ANKRD33B: variants seen among roughly 807,000 people sequenced by gnomAD.
The protein encoded by ANKRD33B is ankyrin repeat domain 33B, also known as ankyrin repeat domain-containing protein 33B.
Under a neutral mutation model 21.5 loss-of-function variants are expected in ANKRD33B, and 6 were observed. The ratio of observed to expected loss-of-function variants is 0.28; its 90% CI spans 0.15 to 0.55. The LOEUF (loss-of-function observed/expected upper bound fraction) is 0.55, where lower values mean the gene tolerates loss of function less well. Among genes scored for constraint, ANKRD33B ranks in the 20% least tolerant of loss-of-function variants. ANKRD33B has a pLI of 0.94. For synonymous variants in ANKRD33B, 347 were observed against 342.4 expected (o/e 1.01, Z -0.15); for missense variants, 698 against 747.2 (o/e 0.93, Z 0.77).
chr5:10,613,549 A>G (rs1216887236), intron 1 of ANKRD33B, among the ~76,000 whole-genome samples: 3 of 151,888 alleles, frequency 2.0e-5, no homozygotes, highest in Non-Finnish European at 2.9e-5. Flanking sequence ...ACTTTTTTCA[A>G]TGTTAATTAA....
At chr5:10,606,939 C>T (rs1736058435) in intron 1 of ANKRD33B, among the ~76,000 whole-genome samples, 1 of 151,896 alleles carries the variant, frequency 6.6e-6, no homozygotes, top group Non-Finnish European at 1.5e-5. Flanking sequence ...CCATGTTGGC[C>T]AGGCTGGTCT....
intron 3 of ANKRD33B, among the ~76,000 whole-genome samples, chr5:10,640,009 T>C (rs111629567): frequency 0.033 from 2,007 of 60,818 alleles, 586 homozygotes; most frequent in Admixed American, 0.057. Context: ...GCGGGTGACG[T>C]GGAGTTGCGC....
intron 1 of ANKRD33B, among the ~76,000 whole-genome samples, chr5:10,566,022 A>G (rs973457593): frequency 1.3e-5 from 2 of 152,066 alleles, no homozygotes; most frequent in African/African-American, 4.8e-5. Context: ...AAGCCCTCCA[A>G]TGTCACTCTC....
Position 10,638,035 on chromosome 5 carries a change from T to C in ANKRD33B, c.504T>C (p.Ala168=), listed in dbSNP as rs1223717208. The change falls in exon 3 of 4, where the codon GCT becomes GCC. Residue 168 remains alanine, a synonymous_variant. Coordinates refer to ENST00000296657, the MANE Select transcript of ANKRD33B (RefSeq NM_001164440.2). ...ALITAAQAGH[A]IITNYLLNYF... Reference sequence around the variant, plus strand: ...GTACACTTCTCTTTACAGGGCACGCTATCATCACTAACTACTTGTTGAACT... The same window carrying C: ...GTACACTTCTCTTTACAGGGCACGCCATCATCACTAACTACTTGTTGAACT... The C allele has an allele frequency of 2.6e-6, 4 of 1,537,514 alleles. No homozygotes were observed. In the African/African-American group the frequency reaches 5.5e-5, roughly 21 times the overall value.
rs1737389196 is a variant in ANKRD33B at position 10,652,745 on chromosome 5, CCTGCCCCCGATGTGTTCCAGCCTCAT to C, written c.*2634_*2659del. On this transcript the variant is annotated 3_prime_UTR_variant, in exon 4 of 4. Transcript: ENST00000296657. This position sits in a 1 kb window ranked among gnomAD's most constrained non-coding sequence, Gnocchi z 4.1. Reference sequence around the variant, plus strand: ...TGTTCTGGAGTGGACGTGTTGCGGCCCTGCCCCCGATGTGTTCCAGCCTCATCCAGGTGCACAGGATACTCTGGGGC... The same window carrying C: ...TGTTCTGGAGTGGACGTGTTGCGGCCCCAGGTGCACAGGATACTCTGGGGC... 1 of 203,456 alleles carries C rather than the reference CCTGCCCCCGATGTGTTCCAGCCTCAT, an allele frequency of 4.9e-6. No homozygotes were observed. The highest frequency in any genetic ancestry group is 1.1e-5 in the Non-Finnish European group (1 of 94,118). The allele number at this position is 203,456 out of a possible 1,614,324, so 12.6% of individuals were successfully genotyped here. A position where few individuals can be genotyped will look rare whatever the true frequency, so the allele number is the denominator to read the frequency against.
chr5:10,572,434 G>GCACT (rs1400786796), intron 1 of ANKRD33B, among the ~76,000 whole-genome samples: 3 of 152,158 alleles, frequency 2.0e-5, no homozygotes, highest in Admixed American at 2.0e-4. Context: ...AGAAGCCTTA[G>GCACT]CACAGAGCAT....
At chr5:10,623,241 C>T (rs1225977262) in intron 2 of ANKRD33B, among the ~76,000 whole-genome samples, 3 of 152,202 alleles carry the variant, frequency 2.0e-5, no homozygotes, top group South Asian at 4.1e-4. Flanking sequence ...CTCTCCTTTT[C>T]TGCCCTTCTA....
intron 1 of ANKRD33B, among the ~76,000 whole-genome samples, chr5:10,591,918 C>T (rs968227757): frequency 1.3e-5 from 2 of 152,032 alleles, no homozygotes; most frequent in African/African-American, 4.8e-5. Context: ...TATATAGTAA[C>T]TTACATTGTA....
rs185042140 is a variant in ANKRD33B at position 10,636,929 on chromosome 5, G to C, written c.497-1099G>C. Among the ~76,000 whole-genome samples the C allele has an allele frequency of 5.7e-4, 87 of 152,348 alleles. 1 individual carries two copies. The highest frequency in any genetic ancestry group is 2.0e-3 in the African/African-American group (84 of 41,570). On this transcript the variant is annotated intron_variant, in intron 2 of 3. Transcript: ENST00000296657. ...GTTTTGGTTGTCACAACCTATGCGG[G>C]AGTGGGGGTGGTTGCTACTGGCATC...
intron 1 of ANKRD33B, among the ~76,000 whole-genome samples, chr5:10,585,938 G>A (rs1203680517): frequency 1.3e-5 from 2 of 152,134 alleles, no homozygotes; most frequent in South Asian, 2.1e-4. Context: ...GCTTCCCTGT[G>A]CCAGGCTTTC....
At chr5:10,606,559 C>CA (rs1453319701) in intron 1 of ANKRD33B, among the ~76,000 whole-genome samples, 1 of 152,008 alleles carries the variant, frequency 6.6e-6, no homozygotes, top group Admixed American at 6.5e-5. Context: ...CATGGTGAAG[C>CA]CCTGTCTCTA....
chr5:10,649,787 C>A lies in ANKRD33B; in HGVS notation c.1159C>A (p.Leu387Ile). The A allele has an allele frequency of 7.1e-7, 1 of 1,400,572 alleles. No homozygotes were observed. The highest frequency in any genetic ancestry group is 9.2e-7 in the Non-Finnish European group (1 of 1,083,764). The allele number at this position is 1,400,572 out of a possible 1,614,324, so 86.8% of individuals were successfully genotyped here. A position where few individuals can be genotyped will look rare whatever the true frequency, so the allele number is the denominator to read the frequency against. Residue 387 changes from leucine to isoleucine, a missense_variant, in exon 4 of 4, where the codon CTC becomes ATC. Physicochemically the swap from Leu to Ile is conservative, Grantham distance 5. Coordinates refer to ENST00000296657, the MANE Select transcript of ANKRD33B (RefSeq NM_001164440.2). Reference protein sequence around the residue: ...DSREGSPRAGLPPALGSRGPA... With the variant: ...DSREGSPRAGIPPALGSRGPA... Reference sequence around the variant, plus strand: ...CCGGGAGGGCTCCCCGAGAGCCGGCCTCCCTCCCGCCCTGGGGTCCCGGGG... The same window carrying A: ...CCGGGAGGGCTCCCCGAGAGCCGGCATCCCTCCCGCCCTGGGGTCCCGGGG...
intron 3 of ANKRD33B, among the ~76,000 whole-genome samples, chr5:10,646,535 G>A (rs1737192883): frequency 6.6e-6 from 1 of 152,212 alleles, no homozygotes; most frequent in African/African-American, 2.4e-5. Flanking sequence ...TCAGGACGAA[G>A]AGTGCAAAAC....
intron 1 of ANKRD33B, among the ~76,000 whole-genome samples, chr5:10,566,722 C>T (rs1735071862): frequency 6.6e-6 from 1 of 152,254 alleles, no homozygotes; most frequent in African/African-American, 2.4e-5. Context: ...CCAGGCCACA[C>T]AGCAGAGAGG....
At chr5:10,607,625 T>C (rs1736078252) in intron 1 of ANKRD33B, among the ~76,000 whole-genome samples, 1 of 152,264 alleles carries the variant, frequency 6.6e-6, no homozygotes. Context: ...TTTGTGTGTG[T>C]ACTTTCACCA....
intron 1 of ANKRD33B, among the ~76,000 whole-genome samples, chr5:10,613,281 ATTTTTTTT>A (rs10572843): frequency 2.3e-5 from 3 of 131,708 alleles, no homozygotes; most frequent in African/African-American, 2.8e-5. Context: ...CTTAATGAGG[ATTTTTTTT>A]TTTTTTTTTT....
chr5:10,567,367 G>T (rs79195957), intron 1 of ANKRD33B, among the ~76,000 whole-genome samples: 5,569 of 152,338 alleles, frequency 0.037, 373 homozygotes, highest in African/African-American at 0.13. Context: ...CTGTGCTCCC[G>T]CTAGGTACTT....
chr5:10,582,969 T>C (rs982003139), intron 1 of ANKRD33B, among the ~76,000 whole-genome samples: 10 of 151,476 alleles, frequency 6.6e-5, no homozygotes, highest in Non-Finnish European at 1.3e-4. Context: ...TCGCACATGG[T>C]TGGTGGATGA....
chr5:10,599,654 T>C (rs76493480), intron 1 of ANKRD33B, among the ~76,000 whole-genome samples: 48 of 152,354 alleles, frequency 3.2e-4, no homozygotes, highest in African/African-American at 1.2e-3. Context: ...TATTATAAAA[T>C]GTATCAGAAT....
Sources: allele counts gnomAD v4.1 joint callset (sites outside exome capture counted in the v4.1 genomes callset), GRCh38; gene constraint gnomAD v4.1.1; non-coding constraint Gnocchi (gnomAD v3.1); transcripts MANE v1.5; gene names NCBI Gene and HGNC (gene_info 2026-07-23, HGNC 2026-07-21).